The following INPP5D variants were observed in gnomAD, a reference collection of about 807,000 sequenced individuals.
INPP5D encodes the protein inositol polyphosphate-5-phosphatase D.
INPP5D carries 33 observed loss-of-function variants against 122.9 expected under a neutral mutation model. That is an observed-to-expected ratio of 0.27 (90% CI 0.20 to 0.36). The LOEUF is 0.36. INPP5D is among the 10% of genes least tolerant of loss of function. The pLI, the probability that INPP5D is intolerant of heterozygous loss-of-function variation, is 1.00. For missense variants in INPP5D, 1,053 were observed against 1,412.7 expected (o/e 0.75, Z 4.08); for synonymous variants, 584 against 576.2 (o/e 1.01, Z -0.19).
chr2:233,197,154 G>A lies in INPP5D; in HGVS notation c.2694-941G>A, dbSNP rs1168504902. 1.3e-5 allele frequency among the ~76,000 whole-genome samples: 2 copies of A among 152,226 alleles called. No individual in the cohort carries two copies. The highest frequency in any genetic ancestry group is 2.9e-5 in the Non-Finnish European group (2 of 68,022). ...CAGGCTGGCAGAGCACATGGGAGCT[G>A]TGGAGTGTCCCTGACAGCCTATACG... On this transcript the variant is annotated intron_variant, in intron 24 of 26. Coordinates refer to ENST00000445964, the MANE Select transcript of INPP5D (RefSeq NM_001017915.3). This position sits in a 1 kb window ranked among gnomAD's most constrained non-coding sequence, Gnocchi z 4.4.
intron 17 of INPP5D, among the ~76,000 whole-genome samples, chr2:233,174,791 CA>C (rs34082998): frequency 0.53 from 51,373 of 97,052 alleles, 9,664 homozygotes; most frequent in East Asian, 0.59. Flanking sequence ...GACCCTGTCT[CA>C]AAAAAAAAAA....
At chr2:233,135,019 A>G (rs1213547555) in intron 5 of INPP5D, among the ~76,000 whole-genome samples, 1 of 152,096 alleles carries the variant, frequency 6.6e-6, no homozygotes, top group Admixed American at 6.6e-5. Context: ...CAAAGCTCAG[A>G]GGTGCTACCT....
chr2:233,062,408 C>T (rs1018384615), intron 1 of INPP5D, among the ~76,000 whole-genome samples: 3 of 152,206 alleles, frequency 2.0e-5, no homozygotes, highest in East Asian at 1.9e-4. Flanking sequence ...GGTGCAACAG[C>T]CCTGGCTTTT....
intron 22 of INPP5D, among the ~76,000 whole-genome samples, chr2:233,191,091 C>T (rs570411805): frequency 5.3e-5 from 8 of 152,170 alleles, no homozygotes; most frequent in South Asian, 4.1e-4. Flanking sequence ...ATACTTAAGA[C>T]GGGTAATTTA....
intron 2 of INPP5D, among the ~76,000 whole-genome samples, chr2:233,085,410 G>A (rs551803858): frequency 2.0e-5 from 3 of 151,666 alleles, no homozygotes; most frequent in African/African-American, 4.8e-5. Context: ...AGAATGTAGC[G>A]TTATGAATAG....
chr2:233,068,391 G>C (rs1022147664), intron 1 of INPP5D, among the ~76,000 whole-genome samples: 2 of 151,710 alleles, frequency 1.3e-5, no homozygotes, highest in African/African-American at 4.8e-5. Flanking sequence ...TCAGGAGTTT[G>C]AGACCAGCCT....
At chr2:233,146,875 A>G (rs1011957208) in intron 8 of INPP5D, among the ~76,000 whole-genome samples, 20 of 152,250 alleles carry the variant, frequency 1.3e-4, no homozygotes, top group African/African-American at 4.6e-4. Context: ...TACAATCCCC[A>G]GAGATTCTAG....
chr2:233,069,968 G>T (rs928188391), intron 1 of INPP5D, among the ~76,000 whole-genome samples: 1 of 152,110 alleles, frequency 6.6e-6, no homozygotes, highest in Non-Finnish European at 1.5e-5. Flanking sequence ...GAGAGTGCCC[G>T]CCTCATTCTA....
At chr2:233,204,038 C>A in intron 25 of INPP5D, 88 bp from the exon 26 acceptor site, 1 of 1,431,762 alleles carries the variant, frequency 7.0e-7, no homozygotes, top group Admixed American at 3.1e-5. Flanking sequence ...TGTATCACCC[C>A]AAAGAAAGAC....
rs533605156 is a variant in INPP5D at position 233,178,202 on chromosome 2, G to C, written c.2071+856G>C. On this transcript the variant is annotated intron_variant, in intron 18 of 26. Coordinates refer to ENST00000445964, the MANE Select transcript of INPP5D (RefSeq NM_001017915.3). ...GTCTCAGCTGCTCAATAGGCTGAGGGGGGAGGATCGCTTGAGCCCAGTAGT... is the reference window on the plus strand; with the variant it reads ...GTCTCAGCTGCTCAATAGGCTGAGGCGGGAGGATCGCTTGAGCCCAGTAGT... Among the ~76,000 whole-genome samples the C allele has an allele frequency of 3.3e-5, 5 of 152,236 alleles. No individual in the cohort carries two copies. The South Asian group carries it at 1.0e-3, about 32-fold the overall frequency.
chr2:233,117,711 C>T (rs747200499), intron 2 of INPP5D, among the ~76,000 whole-genome samples: 3 of 152,208 alleles, frequency 2.0e-5, no homozygotes, highest in Non-Finnish European at 2.9e-5. Context: ...CATCTGCCTC[C>T]TGCCGGGACT....
intron 2 of INPP5D, among the ~76,000 whole-genome samples, chr2:233,118,304 G>T (rs1204053771): frequency 5.3e-5 from 8 of 152,120 alleles, no homozygotes; most frequent in Non-Finnish European, 1.2e-4. Flanking sequence ...CTGGGCCCAG[G>T]TTCAGAATGC....
chr2:233,206,691 G>C lies in INPP5D; in HGVS notation c.3568-15G>C, dbSNP rs3792117. ...GAGAATGAGCCCTGACAGCCCTTCTGTTCTTGTCCCACAGTGAAGCCCTCA... is the reference window on the plus strand; with the variant it reads ...GAGAATGAGCCCTGACAGCCCTTCTCTTCTTGTCCCACAGTGAAGCCCTCA... On this transcript the variant is annotated splice_polypyrimidine_tract_variant and intron_variant, in intron 26 of 26. Transcript: ENST00000445964. This position sits in a 1 kb window ranked among gnomAD's most constrained non-coding sequence, Gnocchi z 4.0. 1 of 772,844 alleles carries C rather than the reference G, an allele frequency of 1.3e-6. No homozygotes were observed. The highest frequency in any genetic ancestry group is 2.4e-6 in the Non-Finnish European group (1 of 414,496). 47.9% of individuals were successfully genotyped at this position (772,844 alleles called of 1,614,324 possible). A position where few individuals can be genotyped will look rare whatever the true frequency, so the allele number is the denominator to read the frequency against.
At chr2:233,099,791 C>G (rs751186870) in intron 2 of INPP5D, among the ~76,000 whole-genome samples, 5 of 152,164 alleles carry the variant, frequency 3.3e-5, no homozygotes, top group African/African-American at 1.2e-4. Context: ...TGGGGTGGGG[C>G]GTGTATTAGT....
At chr2:233,185,792 GTCTGGTTCTTGC>G in intron 20 of INPP5D, 39 bp from the exon 21 acceptor site, 1 of 1,516,370 alleles carries the variant, frequency 6.6e-7, no homozygotes, top group South Asian at 1.3e-5. Flanking sequence ...AGTCTTTTCT[GTCTGGTTCTTGC>G]TCTGTTTTCT....
Position 233,185,320 on chromosome 2 carries a change from C to T in INPP5D, c.2276-523C>T, listed in dbSNP as rs549616623. Among the ~76,000 whole-genome samples the T allele has an allele frequency of 2.6e-5, 4 of 152,258 alleles. No individual in the cohort carries two copies. In the East Asian group the frequency reaches 5.8e-4, roughly 22 times the overall value. On this transcript the variant is annotated intron_variant, in intron 20 of 26. Transcript: ENST00000445964. ...GGTGGGCCCAGGCCTGGTGCTAGAG[C>T]GGCCTTTGTCACTGAGTCCCCAAGC...
At chr2:233,116,627 C>T (rs1304584637) in intron 2 of INPP5D, among the ~76,000 whole-genome samples, 6 of 132,060 alleles carry the variant, frequency 4.5e-5, no homozygotes, top group Non-Finnish European at 9.8e-5. Context: ...GACAGAGTCT[C>T]ACTCTGTCGC....
intron 9 of INPP5D, among the ~76,000 whole-genome samples, chr2:233,156,275 A>T (rs1460788050): frequency 6.6e-6 from 1 of 152,170 alleles, no homozygotes; most frequent in East Asian, 1.9e-4. Context: ...GCTGAGCCAG[A>T]GTGCCAGGTT....
chr2:233,158,122 A>G (rs1381222359), intron 9 of INPP5D, among the ~76,000 whole-genome samples, 191 bp from the exon 10 acceptor site: 1 of 152,062 alleles, frequency 6.6e-6, no homozygotes, highest in African/African-American at 2.4e-5. Flanking sequence ...TGTTCCAGAC[A>G]TCACCCTCCC....
Sources: allele counts gnomAD v4.1 joint callset (sites outside exome capture counted in the v4.1 genomes callset), GRCh38; gene constraint gnomAD v4.1.1; non-coding constraint Gnocchi (gnomAD v3.1); transcripts MANE v1.5; gene names NCBI Gene and HGNC (gene_info 2026-07-23, HGNC 2026-07-21).